Variants in SSPN observed in about 807,000 individuals in gnomAD.
SSPN encodes K-ras oncogene-associated protein.
In SSPN, 15 loss-of-function variants were observed where a neutral mutation model predicts 19.1. That is an observed-to-expected ratio of 0.78 (90% CI 0.52 to 1.21). The LOEUF (loss-of-function observed/expected upper bound fraction) is 1.21, where lower values mean the gene tolerates loss of function less well. Ranked by LOEUF, SSPN falls within the 50% of genes most tolerant of loss-of-function variation. The pLI is 0.00. For missense variants in SSPN, 291 were observed against 314.0 expected, an observed-to-expected ratio of 0.93 and a Z score of 0.55; for synonymous variants, 147 against 140.3, an observed-to-expected ratio of 1.05 and a Z score of -0.34.
At chr12:26,171,531 CACAATGAAT>C (rs1420276616) in intron 1 of SSPN, among the ~76,000 whole-genome samples, 1 of 152,100 alleles carries the variant, frequency 6.6e-6, no homozygotes, top group South Asian at 2.1e-4. Flanking sequence ...TTCTACTAAA[CACAATGAAT>C]ACTGAAGGAG....
intron 1 of SSPN, among the ~76,000 whole-genome samples, chr12:26,202,214 T>TA (rs1944892496): frequency 6.6e-6 from 1 of 152,208 alleles, no homozygotes. Flanking sequence ...ATCCTTTTTT[T>TA]ATCCAAATGT....
intron 1 of SSPN, among the ~76,000 whole-genome samples, chr12:26,208,852 A>T (rs1286594797): frequency 2.0e-5 from 3 of 152,116 alleles, no homozygotes; most frequent in Admixed American, 6.6e-5. Context: ...CCCATTTATC[A>T]TCTGTCAAGT....
At chr12:26,194,152 AT>A (rs565934094), upstream of SSPN, among the ~76,000 whole-genome samples, 13 of 152,296 alleles carry the variant, frequency 8.5e-5, no homozygotes, top group South Asian at 2.7e-3. Flanking sequence ...TGATGGGATC[AT>A]TTTTTAGTGG....
chr12:26,123,011 G>T, intron 1 of SSPN: 1 of 1,569,812 alleles, frequency 6.4e-7, no homozygotes, highest in East Asian at 2.4e-5. Flanking sequence ...GGGTGGCCAC[G>T]GCGTGCAAGT....
At position 26,195,594 on chromosome 12, in the gene SSPN, G is replaced by A; in HGVS notation, c.-79G>A. On this transcript the variant is annotated 5_prime_UTR_variant, in exon 1 of 3. Coordinates refer to ENST00000242729, the MANE Select transcript of SSPN (RefSeq NM_005086.5). ...CTCCATAATTCGAATACCAGGGCAGGCCGAGCCAGCCGTGCGCCGCGCTCC... is the reference window on the plus strand; with the variant it reads ...CTCCATAATTCGAATACCAGGGCAGACCGAGCCAGCCGTGCGCCGCGCTCC... 7.5e-7 allele frequency: 1 copy of A among 1,336,606 alleles called. No homozygotes were observed. Among genetic ancestry groups the A allele is most frequent in the Non-Finnish European group, 9.5e-7 (1 of 1,050,336 alleles). 82.8% of individuals were successfully genotyped at this position (1,336,606 alleles called of 1,614,324 possible). A position where few individuals can be genotyped will look rare whatever the true frequency, so the allele number is the denominator to read the frequency against.
intron 1 of SSPN, among the ~76,000 whole-genome samples, chr12:26,172,400 T>TACCTC (rs1944658532): frequency 6.6e-6 from 1 of 152,230 alleles, no homozygotes; most frequent in South Asian, 2.1e-4. Context: ...GTTCCTTAGG[T>TACCTC]AGTTACCATC....
At chr12:26,178,836 T>C (rs1944700819) in intron 1 of SSPN, among the ~76,000 whole-genome samples, 2 of 152,196 alleles carry the variant, frequency 1.3e-5, no homozygotes, top group South Asian at 4.1e-4. Context: ...TTTAAAGATA[T>C]ATTCTCTTGA....
intron 1 of SSPN, chr12:26,214,708 C>T (rs770789048): frequency 6.6e-6 from 1 of 152,090 alleles, no homozygotes; most frequent in Non-Finnish European, 1.5e-5. Flanking sequence ...TGCTTTGCGC[C>T]ATTTTCACCT....
intron 1 of SSPN, among the ~76,000 whole-genome samples, chr12:26,153,616 G>A (rs897259636): frequency 4.6e-5 from 7 of 152,202 alleles, no homozygotes; most frequent in African/African-American, 1.4e-4. Flanking sequence ...ACCATTCTGA[G>A]CCTTGGTTTA....
At position 26,123,223 on chromosome 12, in the gene SSPN, C is replaced by T. The variant is rs976956508; in HGVS notation, c.-31+1071C>T. The T allele has an allele frequency of 1.4e-5, 21 of 1,516,592 alleles. No individual in the cohort carries two copies. The Admixed American group carries it at 1.7e-4, about 12-fold the overall frequency. 93.9% of individuals were successfully genotyped at this position (1,516,592 alleles called of 1,614,324 possible). ...ACGGAGGAGTGGAGGCAAGAAGAAA[C>T]ATACCCACGTTAAAACATCTGCTTA... On this transcript the variant is annotated intron_variant, in intron 1 of 2. Coordinates refer to the SSPN transcript ENST00000538142.
rs552258585 is a variant in SSPN at position 26,224,778 on chromosome 12, T to C, written c.366+399T>C. On this transcript the variant is annotated intron_variant, in intron 2 of 2. Coordinates refer to ENST00000242729, the MANE Select transcript of SSPN (RefSeq NM_005086.5). ...TATTTCCTCTTGTAGGTGGGATCAC[T>C]GAGACAGAAAAAGTACATTGGGCGC... Among the ~76,000 whole-genome samples, 60 of 144,150 alleles carry C rather than the reference T, an allele frequency of 4.2e-4. No homozygotes were observed. In the East Asian group the frequency reaches 0.01, roughly 25 times the overall value. The allele number at this position is 144,150 out of a possible 152,430, so 94.6% of individuals were successfully genotyped here. A position where few individuals can be genotyped will look rare whatever the true frequency, so the allele number is the denominator to read the frequency against.
intron 2 of SSPN, among the ~76,000 whole-genome samples, chr12:26,230,235 CTT>C (rs1192348310): frequency 6.6e-6 from 1 of 152,204 alleles, no homozygotes; most frequent in Admixed American, 6.5e-5. Flanking sequence ...AAAAAATTAA[CTT>C]ATGCTATTAG....
intron 1 of SSPN, among the ~76,000 whole-genome samples, chr12:26,187,633 T>C (rs1323009590): frequency 1.3e-5 from 2 of 152,148 alleles, no homozygotes; most frequent in Non-Finnish European, 2.9e-5. Context: ...GTCACTTCTC[T>C]GCACCAGCAG....
chr12:26,170,415 C>T (rs1043046072), intron 1 of SSPN, among the ~76,000 whole-genome samples: 4 of 152,120 alleles, frequency 2.6e-5, no homozygotes, highest in African/African-American at 7.2e-5. Flanking sequence ...TGTCCTAAGC[C>T]CTTAATAGAA....
intron 1 of SSPN, among the ~76,000 whole-genome samples, chr12:26,138,177 A>G (rs1246336363): frequency 1.3e-5 from 2 of 152,150 alleles, no homozygotes; most frequent in Non-Finnish European, 2.9e-5. Flanking sequence ...CACTATATAA[A>G]CACTGAATTT....
At chr12:26,137,656 A>ATATTTTTTTTTT (rs1377562695) in intron 1 of SSPN, among the ~76,000 whole-genome samples, 1 of 76,432 alleles carries the variant, frequency 1.3e-5, no homozygotes. Context: ...ATATATATAT[A>ATATTTTTTTTTT]TTTTTTTTTT....
chr12:26,130,542 A>G (rs1347745139), intron 1 of SSPN, among the ~76,000 whole-genome samples: 2 of 152,246 alleles, frequency 1.3e-5, no homozygotes, highest in Non-Finnish European at 2.9e-5. Flanking sequence ...GCGAAAAATC[A>G]TATATAACAA....
At chr12:26,171,175 T>C (rs1944651586) in intron 1 of SSPN, among the ~76,000 whole-genome samples, 1 of 152,208 alleles carries the variant, frequency 6.6e-6, no homozygotes, top group Non-Finnish European at 1.5e-5. Context: ...AGTTTAGGTC[T>C]AGAAAGTAAG....
chr12:26,179,624 A>G (rs1365024980), intron 1 of SSPN, among the ~76,000 whole-genome samples: 3 of 152,112 alleles, frequency 2.0e-5, no homozygotes, highest in Admixed American at 2.0e-4. Flanking sequence ...TCACAACTGC[A>G]CCCCATACAG....
Sources: gnomAD v4.1 joint callset for allele counts (sites outside exome capture counted in the v4.1 genomes callset) on GRCh38, gnomAD v4.1.1 for gene constraint, MANE v1.5 for transcripts, NCBI Gene and HGNC (gene_info 2026-07-23, HGNC 2026-07-21) for gene names.